Variants in CSMD1 observed in about 807,000 individuals in gnomAD.
CSMD1 encodes the protein CUB and sushi domain-containing protein 1.
Under a neutral mutation model 417.5 loss-of-function variants are expected in CSMD1, and 213 were observed. The observed-to-expected ratio is 0.51, with a 90% CI of 0.46 to 0.57. The LOEUF is 0.57. Among genes scored for constraint, CSMD1 ranks in the 20% least tolerant of loss-of-function variants. CSMD1 has a pLI of 0.00. For synonymous variants in CSMD1, 2,862 were observed against 1,736.8 expected (o/e 1.65, Z -16.11); for missense variants, 6,923 against 4,529.7 (o/e 1.53, Z -15.17).
chr8:3,748,296 T>G (rs958037600), intron 6 of CSMD1, among the ~76,000 whole-genome samples: 2 of 152,206 alleles, frequency 1.3e-5, no homozygotes, highest in Non-Finnish European at 2.9e-5. Context: ...TATTTAAAGG[T>G]TATAATATAT....
rs372586160 is a variant in CSMD1, at chr8:4,707,018, T to C, written c.86-69460A>G. 1.6e-3 allele frequency among the ~76,000 whole-genome samples: 251 copies of C among 152,292 alleles called. 8 individuals carry two copies. The South Asian group carries it at 0.046, about 28-fold the overall frequency. On this transcript the variant is annotated intron_variant, in intron 1 of 69. Coordinates refer to ENST00000635120, the MANE Select transcript of CSMD1 (RefSeq NM_033225.6). The stretch of plus-strand genomic sequence containing the variant: ...GACCTTTCTCTTGAAGTTTGGACAA[T>C]GTCATTGACAGATCTAACTTAAGGA...
At chr8:3,736,721 C>T (rs192758296) in intron 6 of CSMD1, among the ~76,000 whole-genome samples, 34 of 152,228 alleles carry the variant, frequency 2.2e-4, no homozygotes, top group Non-Finnish European at 4.7e-4. Context: ...CTGCTTCACA[C>T]TGCCTGGCTT....
chr8:3,998,651 G>C (rs1438328214), intron 4 of CSMD1, among the ~76,000 whole-genome samples: 1 of 152,082 alleles, frequency 6.6e-6, no homozygotes, highest in Non-Finnish European at 1.5e-5. Flanking sequence ...GTTCTGAGTA[G>C]AAAACAGTTA....
At chr8:4,767,125 A>G (rs1812520466) in intron 1 of CSMD1, among the ~76,000 whole-genome samples, 1 of 152,212 alleles carries the variant, frequency 6.6e-6, no homozygotes, top group Admixed American at 6.5e-5. Flanking sequence ...GGATTTCGAC[A>G]AAGCGATGCA....
chr8:4,776,689 A>T (rs944769080), intron 1 of CSMD1, among the ~76,000 whole-genome samples: 2 of 152,222 alleles, frequency 1.3e-5, no homozygotes, highest in Admixed American at 6.5e-5. Flanking sequence ...CAGGGAGACA[A>T]CCAGAACACT....
chr8:3,557,061 G>A (rs1191820778), intron 10 of CSMD1, among the ~76,000 whole-genome samples: 5 of 152,136 alleles, frequency 3.3e-5, no homozygotes, highest in African/African-American at 1.2e-4. Flanking sequence ...AAAAAACACA[G>A]AATGGCAAGT....
intron 3 of CSMD1, among the ~76,000 whole-genome samples, chr8:4,079,979 A>C (rs1175488679): frequency 6.6e-6 from 1 of 152,012 alleles, no homozygotes; most frequent in East Asian, 1.9e-4. Context: ...TTAAAGATTA[A>C]GAAAATTATG....
At chr8:4,166,954 C>A (rs867643818) in intron 3 of CSMD1, among the ~76,000 whole-genome samples, 1 of 152,212 alleles carries the variant, frequency 6.6e-6, no homozygotes, top group African/African-American at 2.4e-5. Flanking sequence ...CCATGTCAGA[C>A]AGCACATGCT....
intron 3 of CSMD1, among the ~76,000 whole-genome samples, chr8:4,104,863 T>G (rs1254694008): frequency 6.6e-6 from 1 of 152,208 alleles, no homozygotes; most frequent in Non-Finnish European, 1.5e-5. Flanking sequence ...GCCTTACATT[T>G]TTAGGTATTA....
chr8:3,024,413 C>G (rs866687700), intron 51 of CSMD1, among the ~76,000 whole-genome samples: 1 of 152,026 alleles, frequency 6.6e-6, no homozygotes, highest in Non-Finnish European at 1.5e-5. Context: ...TCAAGCGATT[C>G]TCCTGCCTCA....
At chr8:4,971,728 T>A (rs141813909) in intron 1 of CSMD1, among the ~76,000 whole-genome samples, 4 of 151,642 alleles carry the variant, frequency 2.6e-5, no homozygotes, top group Non-Finnish European at 4.4e-5. Context: ...ATGATTACAT[T>A]CTTCATATAA....
chr8:3,914,232 G>C (rs1307722972), intron 5 of CSMD1, among the ~76,000 whole-genome samples: 1 of 152,174 alleles, frequency 6.6e-6, no homozygotes, highest in East Asian at 1.9e-4. Flanking sequence ...AAAAGGGCTA[G>C]AATAGAGTAG....
intron 5 of CSMD1, among the ~76,000 whole-genome samples, chr8:3,924,992 C>G (rs570365510): frequency 2.0e-5 from 3 of 151,960 alleles, no homozygotes; most frequent in African/African-American, 7.3e-5. Flanking sequence ...TTCTTTAGTC[C>G]TTGCTGACTG....
At chr8:3,686,266 G>C (rs1435702173) in intron 7 of CSMD1, among the ~76,000 whole-genome samples, 1 of 152,172 alleles carries the variant, frequency 6.6e-6, no homozygotes, top group African/African-American at 2.4e-5. Flanking sequence ...TGGAATACAA[G>C]CTAGGAAAGG....
At chr8:4,420,226 A>G (rs1797171169) in intron 2 of CSMD1, among the ~76,000 whole-genome samples, 161 bp from the exon 3 acceptor site, 1 of 152,224 alleles carries the variant, frequency 6.6e-6, no homozygotes, top group Non-Finnish European at 1.5e-5. Flanking sequence ...GTTGTTAAGT[A>G]TTTGAAATTA....
At chr8:3,564,802 A>G (rs983243012) in intron 10 of CSMD1, among the ~76,000 whole-genome samples, 4 of 152,220 alleles carry the variant, frequency 2.6e-5, no homozygotes, top group Admixed American at 2.6e-4. Flanking sequence ...GAGGTGTGAG[A>G]GGGAAGTAGT....
At position 2,962,540 on chromosome 8, in the gene CSMD1, A is replaced by G. The variant is rs760798219; in HGVS notation, c.9554T>C (p.Phe3185Ser). 6.2e-7 allele frequency: 1 copy of G among 1,613,900 alleles called. No individual in the cohort carries two copies. Among genetic ancestry groups the G allele is most frequent in the Non-Finnish European group, 8.5e-7 (1 of 1,179,840 alleles). ...TCTTCTGGAGGATCCCACGAGTATAAATGGAGATTTGCACTGGAAGAAGAC... is the reference window on the plus strand; with the variant it reads ...TCTTCTGGAGGATCCCACGAGTATAGATGGAGATTTGCACTGGAAGAAGAC... ...SEVFFQCKSP[F>S]ILVGSSRRVC... Residue 3185 changes from phenylalanine to serine, a missense_variant, in exon 61 of 70, where the codon TTT (phenylalanine) becomes TCT (serine). Coordinates refer to ENST00000635120, the MANE Select transcript of CSMD1 (RefSeq NM_033225.6).
At chr8:3,852,419 G>A (rs918876305) in intron 5 of CSMD1, among the ~76,000 whole-genome samples, 1 of 152,174 alleles carries the variant, frequency 6.6e-6, no homozygotes, top group Non-Finnish European at 1.5e-5. Context: ...ACACTCCCCT[G>A]TGCTGCTGGT....
In CSMD1 at chr8:4,336,975, G is replaced by A. The variant is rs114626601; in HGVS notation, c.415+82978C>T. Among the ~76,000 whole-genome samples, 447 of 152,198 alleles carry A rather than the reference G, an allele frequency of 2.9e-3. 1 individual carries two copies. Among genetic ancestry groups the A allele is most frequent in the African/African-American group, 9.8e-3 (409 of 41,550 alleles). On this transcript the variant is annotated intron_variant, in intron 3 of 69. Transcript: ENST00000635120. ...GAAATGGAGCAAACCCTCAGGATTT[G>A]CCGTGTTTTCTTCCCAGAATGGCTG...
Sources: allele counts gnomAD v4.1 joint callset (sites outside exome capture counted in the v4.1 genomes callset), GRCh38; gene constraint gnomAD v4.1.1; transcripts MANE v1.5; gene names NCBI Gene and HGNC (gene_info 2026-07-23, HGNC 2026-07-21).